PAPSS2: variants seen among roughly 807,000 people sequenced by gnomAD.
PAPSS2 encodes the protein bifunctional 3'-phosphoadenosine 5'-phosphosulfate synthase 2.
PAPSS2 carries 61 observed loss-of-function variants against 66.5 expected under a neutral mutation model. That is an observed-to-expected ratio of 0.92 (90% confidence interval 0.75 to 1.14). The LOEUF is 1.14. Ranked by LOEUF, PAPSS2 falls within the 50% of genes most tolerant of loss-of-function variation. PAPSS2 has a pLI of 0.00. For synonymous variants in PAPSS2, 289 were observed against 287.5 expected (o/e 1.01, Z -0.05); for missense variants, 708 against 789.6 (o/e 0.90, Z 1.24).
chr10:87,706,425 C>T (rs1297047639), intron 1 of PAPSS2, among the ~76,000 whole-genome samples: 2 of 151,594 alleles, frequency 1.3e-5, no homozygotes, highest in African/African-American at 4.9e-5. Flanking sequence ...AAATGCTATC[C>T]TTGAGGTATC....
chr10:87,744,853 G>T (rs1174669430), intron 11 of PAPSS2, 149 bp from the exon 12 acceptor site: 3 of 701,908 alleles, frequency 4.3e-6, no homozygotes, highest in African/African-American at 3.5e-5. Context: ...AGAGTGCACG[G>T]AGTCTTAGAA....
intron 1 of PAPSS2, among the ~76,000 whole-genome samples, chr10:87,706,084 G>GTGTATA (rs1459705587): frequency 6.6e-5 from 4 of 60,184 alleles, no homozygotes; most frequent in African/African-American, 3.7e-4. Context: ...TCTTCACATG[G>GTGTATA]TATATATATA....
chr10:87,660,291 A>G (rs1027623091), intron 1 of PAPSS2: 9 of 584,612 alleles, frequency 1.5e-5, no homozygotes, highest in African/African-American at 1.5e-4. Flanking sequence ...GTGGGTCCGG[A>G]TCTAGATCCA....
Position 87,746,101 on chromosome 10 carries a change from C to A in PAPSS2, c.*131C>A. The A allele has an allele frequency of 2.6e-6, 2 of 777,382 alleles. No homozygotes were observed. The highest frequency in any genetic ancestry group is 2.0e-6 in the Non-Finnish European group (1 of 496,284). 48.2% of individuals were successfully genotyped at this position (777,382 alleles called of 1,614,324 possible). ...TTTTATAATGAAGTAAAAGTTGTGT[C>A]TATAATTAAAAAAAAATATATATAT... On this transcript the variant is annotated 3_prime_UTR_variant, in exon 13 of 13. Transcript: ENST00000456849.
chr10:87,729,532 C>T (rs932889632), intron 9 of PAPSS2, among the ~76,000 whole-genome samples: 3 of 152,110 alleles, frequency 2.0e-5, no homozygotes, highest in East Asian at 1.9e-4. Context: ...TGGCCATTCC[C>T]GCATCTCTCT....
Position 87,662,972 on chromosome 10 carries a change from G to A in PAPSS2, c.27+2964G>A, listed in dbSNP as rs1366919721. Among the ~76,000 whole-genome samples the A allele has an allele frequency of 4.0e-5, 6 of 148,554 alleles. No individual in the cohort carries two copies. In the East Asian group the frequency reaches 8.1e-4, roughly 20 times the overall value. ...CAGCTCACTGCAACCTCCGCCTCCC[G>A]GGTTCAAGCCATTCTCTTGCCCCAG... is the stretch of plus-strand genomic sequence containing the variant. On this transcript the variant is annotated intron_variant, in intron 1 of 12. Transcript: ENST00000456849.
intron 12 of PAPSS2, 45 bp from the exon 13 acceptor site, chr10:87,745,787 A>AT: frequency 6.2e-7 from 1 of 1,607,536 alleles, no homozygotes; most frequent in Non-Finnish European, 8.5e-7. Context: ...CTTAAGGCAG[A>AT]TATCATTTAC....
At chr10:87,710,489 C>T (rs1192557538) in intron 2 of PAPSS2, among the ~76,000 whole-genome samples, 2 of 152,124 alleles carry the variant, frequency 1.3e-5, no homozygotes, top group African/African-American at 2.4e-5. Flanking sequence ...AGAAGATCCC[C>T]TCCTGTTATA....
intron 1 of PAPSS2, among the ~76,000 whole-genome samples, chr10:87,689,337 T>A (rs1174552799): frequency 8.3e-6 from 1 of 120,276 alleles, no homozygotes. Context: ...CAAAACTCCA[T>A]CTCAAAAAAA....
In PAPSS2 at chr10:87,681,995, A is replaced by C. The variant is rs548332002; in HGVS notation, c.27+21987A>C. Reference sequence around the variant, plus strand: ...TTTGGGGCTATTATGAAGAATGGACATGAAGAATTTTTGAAGCGTGGCTAG... The same window carrying C: ...TTTGGGGCTATTATGAAGAATGGACCTGAAGAATTTTTGAAGCGTGGCTAG... On this transcript the variant is annotated intron_variant, in intron 1 of 12. Coordinates refer to ENST00000456849, the MANE Select transcript of PAPSS2 (RefSeq NM_001015880.2). Among the ~76,000 whole-genome samples the C allele has an allele frequency of 1.7e-3, 256 of 152,372 alleles. 1 individual carries two copies. Among genetic ancestry groups the C allele is most frequent in the African/African-American group, 5.8e-3 (241 of 41,594 alleles).
chr10:87,715,682 C>T (rs1301062518), intron 6 of PAPSS2, 50 bp from the exon 7 acceptor site: 7 of 1,231,170 alleles, frequency 5.7e-6, no homozygotes, highest in Non-Finnish European at 8.4e-6. Flanking sequence ...GGCCAGATGC[C>T]TGGAAAACAG....
intron 1 of PAPSS2, among the ~76,000 whole-genome samples, chr10:87,669,045 A>AAT (rs974863910): frequency 1.3e-5 from 2 of 152,228 alleles, no homozygotes; most frequent in African/African-American, 4.8e-5. Context: ...GGGGACAGAA[A>AAT]ATACAGACCA....
chr10:87,743,740 A>G, intron 11 of PAPSS2, 99 bp downstream of exon 11: 1 of 1,353,880 alleles, frequency 7.4e-7, no homozygotes, highest in Non-Finnish European at 1.1e-6. Flanking sequence ...CTGTTTCCTC[A>G]TGAGCAGATT....
intron 1 of PAPSS2, among the ~76,000 whole-genome samples, chr10:87,703,236 C>T (rs931984941): frequency 6.5e-5 from 7 of 108,374 alleles, no homozygotes; most frequent in African/African-American, 2.4e-4. Flanking sequence ...ACGTCCCAGC[C>T]GGGCTTTAAT....
chr10:87,740,922 A>G (rs1238742817), intron 9 of PAPSS2, among the ~76,000 whole-genome samples: 3 of 152,246 alleles, frequency 2.0e-5, no homozygotes, highest in Non-Finnish European at 4.4e-5. Context: ...AACAGGCAAT[A>G]GGTTTATTAA....
chr10:87,735,904 C>T (rs1380780260), intron 9 of PAPSS2, among the ~76,000 whole-genome samples: 2 of 152,190 alleles, frequency 1.3e-5, no homozygotes, highest in Non-Finnish European at 2.9e-5. Flanking sequence ...TCATGGTAAA[C>T]CCCAATATCT....
At chr10:87,701,390 TTCTTTCTCTTTCTTTCTC>T (rs2131923235) in intron 1 of PAPSS2, among the ~76,000 whole-genome samples, 7 of 91,250 alleles carry the variant, frequency 7.7e-5, no homozygotes, top group Admixed American at 5.6e-4. Flanking sequence ...CTTTCTTTCT[TTCTTTCTCTTTCTTTCTC>T]TCTCTCTCTC....
chr10:87,717,029 C>T (rs1370842576), intron 7 of PAPSS2, among the ~76,000 whole-genome samples: 1 of 152,150 alleles, frequency 6.6e-6, no homozygotes, highest in Non-Finnish European at 1.5e-5. Context: ...TAAGTGAAAG[C>T]CCAAGACCAG....
In PAPSS2 at chr10:87,745,819, C is replaced by T. The variant is rs1266670917; in HGVS notation, c.1722-13C>T. 1.2e-6 allele frequency: 2 copies of T among 1,613,906 alleles called. No homozygotes were observed. The highest frequency in any genetic ancestry group is 1.6e-4 in the Middle Eastern group (1 of 6,062). ...TTACCTACACTGAGTTCTTTGTTGC[C>T]ACCCTGTAACAGGCACAATGAGTTT... On this transcript the variant is annotated splice_polypyrimidine_tract_variant and intron_variant, in intron 12 of 12. Transcript: ENST00000456849.
Sources: allele counts gnomAD v4.1 joint callset (sites outside exome capture counted in the v4.1 genomes callset), GRCh38; gene constraint gnomAD v4.1.1; transcripts MANE v1.5; gene names NCBI Gene and HGNC (gene_info 2026-07-23, HGNC 2026-07-21).